KCNH7: variants seen among roughly 807,000 people sequenced by gnomAD.
KCNH7 encodes potassium voltage-gated channel subfamily H member 7.
A neutral mutation model predicts 120.8 loss-of-function variants in KCNH7; 49 were observed. The ratio of observed to expected loss-of-function variants is 0.41; its 90% CI spans 0.32 to 0.51. The LOEUF (loss-of-function observed/expected upper bound fraction) is 0.51, where lower values mean the gene tolerates loss of function less well. Among genes scored for constraint, KCNH7 ranks in the 20% least tolerant of loss-of-function variants. The pLI is 0.38. For synonymous variants in KCNH7, 547 were observed against 516.1 expected (o/e 1.06, Z -0.81); for missense variants, 1,097 against 1,446.6 (o/e 0.76, Z 3.92).
At chr2:162,710,969 T>C (rs1686907202) in intron 2 of KCNH7, among the ~76,000 whole-genome samples, 1 of 152,194 alleles carries the variant, frequency 6.6e-6, no homozygotes, top group African/African-American at 2.4e-5. Flanking sequence ...ATCATGATCC[T>C]CTTCAATGTC....
chr2:162,756,953 T>G (rs1203637382), intron 2 of KCNH7, among the ~76,000 whole-genome samples: 1 of 152,148 alleles, frequency 6.6e-6, no homozygotes, highest in Non-Finnish European at 1.5e-5. Flanking sequence ...CAATATCAAT[T>G]TTTTAAAGCC....
intron 2 of KCNH7, among the ~76,000 whole-genome samples, chr2:162,766,494 C>T (rs764054699): frequency 3.9e-5 from 6 of 152,082 alleles, no homozygotes; most frequent in Non-Finnish European, 7.4e-5. Context: ...GTCTAAATTC[C>T]AGAAGTGATC....
At chr2:162,754,478 G>T (rs1277523878) in intron 2 of KCNH7, among the ~76,000 whole-genome samples, 1 of 152,138 alleles carries the variant, frequency 6.6e-6, no homozygotes, top group African/African-American at 2.4e-5. Flanking sequence ...AAAATAATTA[G>T]TGCAGTTTTC....
intron 2 of KCNH7, among the ~76,000 whole-genome samples, chr2:162,821,236 A>G (rs1685111198): frequency 6.6e-6 from 1 of 152,254 alleles, no homozygotes; most frequent in Admixed American, 6.5e-5. Flanking sequence ...AATGAATTCA[A>G]TCTTTTTACC....
chr2:162,787,649 T>C (rs1683760809), intron 2 of KCNH7, among the ~76,000 whole-genome samples: 1 of 152,176 alleles, frequency 6.6e-6, no homozygotes, highest in African/African-American at 2.4e-5. Context: ...TTCCCATGGA[T>C]CAAGGCAGCA....
In KCNH7 at chr2:162,566,157, C is replaced by T. The variant is rs143597126; in HGVS notation, c.308-29077G>A. Among the ~76,000 whole-genome samples the T allele has an allele frequency of 5.4e-3, 815 of 152,034 alleles. 6 individuals carry two copies. The highest frequency in any genetic ancestry group is 8.6e-3 in the Non-Finnish European group (583 of 67,948). Reference sequence around the variant, plus strand: ...CTTTTGGGGAATCTACCAGCACCAACCCTTTCCTCCTCCTCAAAAAAAAGC... The same window carrying T: ...CTTTTGGGGAATCTACCAGCACCAATCCTTTCCTCCTCCTCAAAAAAAAGC... On this transcript the variant is annotated intron_variant, in intron 2 of 15. Coordinates refer to ENST00000332142, the MANE Select transcript of KCNH7 (RefSeq NM_033272.4).
intron 2 of KCNH7, among the ~76,000 whole-genome samples, chr2:162,678,521 G>A (rs1463160700): frequency 1.3e-5 from 2 of 151,432 alleles, no homozygotes; most frequent in Non-Finnish European, 3.0e-5. Context: ...CTTGTATAAA[G>A]TCTACCAATA....
At chr2:162,499,456 T>G (rs1212522744) in intron 6 of KCNH7, among the ~76,000 whole-genome samples, 2 of 151,938 alleles carry the variant, frequency 1.3e-5, no homozygotes, top group Non-Finnish European at 2.9e-5. Context: ...TGGACTGTAG[T>G]GCAGGAAAAA....
chr2:162,414,096 A>G (rs1356689991), intron 9 of KCNH7, among the ~76,000 whole-genome samples: 1 of 152,020 alleles, frequency 6.6e-6, no homozygotes, highest in Non-Finnish European at 1.5e-5. Flanking sequence ...TTAAACTGGC[A>G]AAAATTGAAA....
At chr2:162,639,648 TC>T (rs978820772) in intron 2 of KCNH7, among the ~76,000 whole-genome samples, 2 of 152,090 alleles carry the variant, frequency 1.3e-5, no homozygotes, top group Non-Finnish European at 2.9e-5. Flanking sequence ...TTGAATGTCT[TC>T]CCCCTAAGAC....
intron 2 of KCNH7, among the ~76,000 whole-genome samples, chr2:162,652,838 G>A (rs1351210563): frequency 6.6e-6 from 1 of 152,132 alleles, no homozygotes; most frequent in Non-Finnish European, 1.5e-5. Flanking sequence ...TCTTTATAAA[G>A]CATACACATT....
At chr2:162,642,329 T>C (rs1464166795) in intron 2 of KCNH7, among the ~76,000 whole-genome samples, 1 of 152,210 alleles carries the variant, frequency 6.6e-6, no homozygotes, top group East Asian at 1.9e-4. Context: ...TTAATATTTA[T>C]TATTTTAAAT....
chr2:162,398,853 T>C (rs1290743907), intron 10 of KCNH7, among the ~76,000 whole-genome samples: 4 of 151,936 alleles, frequency 2.6e-5, no homozygotes, highest in African/African-American at 9.7e-5. Context: ...TAAAATGATT[T>C]AGAATATGTG....
At chr2:162,659,850 G>C (rs1011719303) in intron 2 of KCNH7, among the ~76,000 whole-genome samples, 1 of 152,104 alleles carries the variant, frequency 6.6e-6, no homozygotes, top group African/African-American at 2.4e-5. Flanking sequence ...AAGAGATATA[G>C]AGAATTGTTA....
At position 162,428,514 on chromosome 2, in the gene KCNH7, GTATTT is replaced by G. The variant is rs372255185; in HGVS notation, c.1955-4984_1955-4980del. 3.8e-4 allele frequency among the ~76,000 whole-genome samples: 57 copies of G among 151,938 alleles called. No homozygotes were observed. In the East Asian group the frequency reaches 8.1e-3, roughly 22 times the overall value. On this transcript the variant is annotated intron_variant, in intron 8 of 15. Transcript: ENST00000332142. ...CTAGAAAAGAGCGTGTATTCTGCTA[GTATTT>G]TATAATTGTCAATATGTCAAGTTTA...
chr2:162,433,244 A>G (rs1688128269), intron 8 of KCNH7, among the ~76,000 whole-genome samples: 1 of 152,122 alleles, frequency 6.6e-6, no homozygotes, highest in Non-Finnish European at 1.5e-5. Flanking sequence ...CTACCAAACT[A>G]CCAATGTCAT....
At chr2:162,796,276 G>A (rs1684143143) in intron 2 of KCNH7, 1 of 151,838 alleles carries the variant, frequency 6.6e-6, no homozygotes, top group African/African-American at 2.4e-5. Flanking sequence ...AAACTCAAAG[G>A]TCTCTTGACA....
intron 2 of KCNH7, among the ~76,000 whole-genome samples, chr2:162,721,761 A>C (rs1389460227): frequency 6.6e-6 from 1 of 152,106 alleles, no homozygotes; most frequent in Non-Finnish European, 1.5e-5. Flanking sequence ...CGGAAATTAA[A>C]AAATTTCAGG....
chr2:162,658,546 T>A (rs1246070811), intron 2 of KCNH7, among the ~76,000 whole-genome samples: 1 of 152,136 alleles, frequency 6.6e-6, no homozygotes, highest in Non-Finnish European at 1.5e-5. Flanking sequence ...CTTGCTGGAA[T>A]TTTGATTGAG....
Sources: gnomAD v4.1 joint callset for allele counts (sites outside exome capture counted in the v4.1 genomes callset) on GRCh38, gnomAD v4.1.1 for gene constraint, MANE v1.5 for transcripts, NCBI Gene and HGNC (gene_info 2026-07-23, HGNC 2026-07-21) for gene names.